The following MPDZ variants were observed in gnomAD, a reference collection of about 807,000 sequenced individuals.
MPDZ encodes the protein multiple PDZ domain crumbs cell polarity complex component, also known as multiple PDZ domain protein.
Under a neutral mutation model 239.1 loss-of-function variants are expected in MPDZ, and 234 were observed. That is an observed-to-expected ratio of 0.98 (90% CI 0.88 to 1.09). The LOEUF is 1.09. MPDZ is among the 50% of genes least tolerant of loss of function. MPDZ has a pLI of 0.00. For missense variants in MPDZ, 3,175 were observed against 2,510.0 expected, an observed-to-expected ratio of 1.26 and a Z score of -5.66; for synonymous variants, 1,048 against 881.3, an observed-to-expected ratio of 1.19 and a Z score of -3.35.
At chr9:13,177,377 G>C (rs1390320580) in intron 19 of MPDZ, among the ~76,000 whole-genome samples, 3 of 151,904 alleles carry the variant, frequency 2.0e-5, no homozygotes, top group African/African-American at 7.3e-5. Context: ...ACTTCCATTC[G>C]CTTCCCCAGT....
chr9:13,158,138 C>T (rs1950047078), intron 23 of MPDZ, 28 bp from the exon 24 acceptor site: 1 of 1,567,782 alleles, frequency 6.4e-7, no homozygotes, highest in Non-Finnish European at 8.8e-7. Flanking sequence ...CAATGAGTAC[C>T]CCAAAATCCT....
At position 13,108,953 on chromosome 9, in the gene MPDZ, T is replaced by C. The variant is rs1237337304; in HGVS notation, c.6049A>G (p.Lys2017Glu). The C allele has an allele frequency of 6.2e-7, 1 of 1,610,992 alleles. No individual in the cohort carries two copies. The highest frequency in any genetic ancestry group is 1.7e-5 in the Admixed American group (1 of 59,790). Residue 2017 changes from lysine to glutamate, a missense_variant, in exon 46 of 47, where the codon AAA (lysine) becomes GAA (glutamate). Coordinates refer to ENST00000319217, the MANE Select transcript of MPDZ (RefSeq NM_001378778.1). ...SPHGDLPIYVKTVFAKGAASE... is the reference protein window; with the variant it reads ...SPHGDLPIYVETVFAKGAASE... ...AAGCTTACCTTTGCAAACACTGTTT[T>C]AACATAAATGGGTAAGTCTCCATGA...
intron 21 of MPDZ, among the ~76,000 whole-genome samples, chr9:13,170,635 G>A (rs1025230199): frequency 6.6e-6 from 1 of 152,164 alleles, no homozygotes; most frequent in Admixed American, 6.6e-5. Flanking sequence ...ATCACAGTGG[G>A]AATCTAACTT....
At chr9:13,178,909 A>C (rs1952885568) in intron 19 of MPDZ, among the ~76,000 whole-genome samples, 1 of 152,216 alleles carries the variant, frequency 6.6e-6, no homozygotes, top group South Asian at 2.1e-4. Context: ...AAAGTAAATG[A>C]AATGCTTTCT....
intron 1 of MPDZ, among the ~76,000 whole-genome samples, chr9:13,265,694 A>G (rs902608282): frequency 1.3e-5 from 2 of 152,184 alleles, no homozygotes; most frequent in Non-Finnish European, 2.9e-5. Flanking sequence ...AGTACAAAAC[A>G]TGTCTGCCAT....
intron 12 of MPDZ, among the ~76,000 whole-genome samples, chr9:13,200,929 T>G (rs1183146890): frequency 6.6e-6 from 1 of 152,078 alleles, no homozygotes; most frequent in African/African-American, 2.4e-5. Flanking sequence ...TTGGGTCAAT[T>G]TGGTCTACAA....
chr9:13,165,425 A>G, intron 22 of MPDZ: 3 of 1,548,626 alleles, frequency 1.9e-6, no homozygotes, highest in Non-Finnish European at 2.6e-6. Flanking sequence ...TGTGAAGCAT[A>G]CGCCGCGGCA....
At chr9:13,188,237 G>T (rs1425867979) in intron 17 of MPDZ, among the ~76,000 whole-genome samples, 2 of 152,038 alleles carry the variant, frequency 1.3e-5, no homozygotes, top group African/African-American at 4.8e-5. Context: ...AAATGTTAAG[G>T]CTGGGCGTGG....
chr9:13,264,893 G>T (rs1971476454), intron 1 of MPDZ, among the ~76,000 whole-genome samples: 2 of 152,158 alleles, frequency 1.3e-5, no homozygotes, highest in Admixed American at 1.3e-4. Context: ...TCCTTAGTTA[G>T]ACCCAAAGGA....
chr9:13,228,930 C>T (rs549083691), intron 3 of MPDZ, among the ~76,000 whole-genome samples: 15 of 152,118 alleles, frequency 9.9e-5, no homozygotes, highest in Non-Finnish European at 1.6e-4. Context: ...TACAAGCTAG[C>T]GAAGGACACA....
chr9:13,136,705 T>C lies in MPDZ; in HGVS notation c.4292+7A>G. On this transcript the variant is annotated splice_region_variant and intron_variant, in intron 30 of 46. Transcript: ENST00000319217. The stretch of plus-strand genomic sequence containing the variant: ...TATTTGGTAAACTAGCAAAAGAAAA[T>C]GATCACCTGATAAAAATTATTTTCA... The C allele has an allele frequency of 6.6e-7, 1 of 1,520,336 alleles. No individual in the cohort carries two copies. The highest frequency in any genetic ancestry group is 9.0e-7 in the Non-Finnish European group (1 of 1,107,596). The allele number at this position is 1,520,336 out of a possible 1,614,324, so 94.2% of individuals were successfully genotyped here. A position where few individuals can be genotyped will look rare whatever the true frequency, so the allele number is the denominator to read the frequency against.
At chr9:13,153,660 T>C (rs1173024025) in intron 24 of MPDZ, among the ~76,000 whole-genome samples, 4 of 152,100 alleles carry the variant, frequency 2.6e-5, no homozygotes, top group African/African-American at 9.7e-5. Flanking sequence ...CTTAAAGCAG[T>C]TCCTAAGGCA....
At chr9:13,175,957 C>G (rs1003282595) in intron 20 of MPDZ, 82 bp from the exon 21 acceptor site, 1 of 1,485,996 alleles carries the variant, frequency 6.7e-7, no homozygotes, top group African/African-American at 1.4e-5. Flanking sequence ...CACGCATGTT[C>G]TCTAATTGAT....
intron 24 of MPDZ, among the ~76,000 whole-genome samples, chr9:13,153,135 C>G (rs1227709375): frequency 6.6e-6 from 1 of 152,024 alleles, no homozygotes; most frequent in Non-Finnish European, 1.5e-5. Flanking sequence ...GTAAGGAATC[C>G]TGCAAAATGA....
rs868809395 is a variant in MPDZ, at chr9:13,264,854, T to C, written c.-57-14482A>G. On this transcript the variant is annotated intron_variant, in intron 1 of 46. Transcript: ENST00000319217. ...AGGGGAAAGATTTAAGTTCTGAGAA[T>C]TAAGATTTGGCCTCTTCTGTTCTCT... 4.6e-5 allele frequency among the ~76,000 whole-genome samples: 7 copies of C among 152,292 alleles called. No individual in the cohort carries two copies. In the South Asian group the frequency reaches 1.5e-3, roughly 32 times the overall value.
chr9:13,123,309 G>GT lies in MPDZ; in HGVS notation c.4808-12dup, dbSNP rs765411260. ...ATGATCTGCTTGTATCTAAAAATAA[G>GT]TTAAAAATGAAATACAAATAAAAAT... On this transcript the variant is annotated splice_polypyrimidine_tract_variant and intron_variant, in intron 35 of 46. Transcript: ENST00000319217. 6.3e-7 allele frequency: 1 copy of GT among 1,586,556 alleles called. No individual in the cohort carries two copies. The highest frequency in any genetic ancestry group is 8.6e-7 in the Non-Finnish European group (1 of 1,166,182).
chr9:13,187,357 A>G (rs1254256840), intron 17 of MPDZ, among the ~76,000 whole-genome samples: 1 of 152,142 alleles, frequency 6.6e-6, no homozygotes, highest in East Asian at 1.9e-4. Context: ...CAGTAAAACT[A>G]AAAGGTATAT....
At chr9:13,250,473 C>T (rs941449057) in intron 1 of MPDZ, 101 bp from the exon 2 acceptor site, 2 of 621,248 alleles carry the variant, frequency 3.2e-6, no homozygotes, top group South Asian at 2.5e-5. Flanking sequence ...TTCCTTTGAC[C>T]ATTAAAATCT....
At chr9:13,235,669 A>G (rs139264779) in intron 3 of MPDZ, among the ~76,000 whole-genome samples, 1 of 152,310 alleles carries the variant, frequency 6.6e-6, no homozygotes, top group African/African-American at 2.4e-5. Context: ...AGGGTATTCA[A>G]TTTAGAAAAT....
Sources: gnomAD v4.1 joint callset for allele counts (sites outside exome capture counted in the v4.1 genomes callset) on GRCh38, gnomAD v4.1.1 for gene constraint, MANE v1.5 for transcripts, NCBI Gene and HGNC (gene_info 2026-07-23, HGNC 2026-07-21) for gene names.